The following IDE variants were observed in gnomAD, a reference collection of about 807,000 sequenced individuals.
IDE encodes the protein insulin degrading enzyme, also known as insulin-degrading enzyme.
IDE carries 58 observed loss-of-function variants against 133.2 expected under a neutral mutation model. That is an observed-to-expected ratio of 0.44 (90% CI 0.35 to 0.54). The LOEUF is 0.54. Among genes scored for constraint, IDE ranks in the 20% least tolerant of loss-of-function variants. IDE has a pLI of 0.00. For synonymous variants in IDE, 396 were observed against 421.3 expected (o/e 0.94, Z 0.73); for missense variants, 981 against 1,234.0 (o/e 0.79, Z 3.07).
chr10:92,566,696 A>ACAGGGTGAC (rs1408565872), intron 1 of IDE, among the ~76,000 whole-genome samples: 1 of 152,062 alleles, frequency 6.6e-6, no homozygotes, highest in Non-Finnish European at 1.5e-5. Flanking sequence ...TGATAGCACA[A>ACAGGGTGAC]CAGGGTGACT....
chr10:92,548,423 T>C lies in IDE; in HGVS notation c.99-10873A>G, dbSNP rs151271373. 6.1e-3 allele frequency among the ~76,000 whole-genome samples: 900 copies of C among 148,438 alleles called. 8 individuals are homozygous for C. Among genetic ancestry groups the C allele is most frequent in the African/African-American group, 0.021 (856 of 39,958 alleles). On this transcript the variant is annotated intron_variant, in intron 1 of 24. Coordinates refer to ENST00000265986, the MANE Select transcript of IDE (RefSeq NM_004969.4). ...GAAATGTATACATGGCTCATTAAAT[T>C]GACAGGGGCACCTATAGTTGCATCA...
chr10:92,463,137 C>T (rs1845486675), intron 21 of IDE, among the ~76,000 whole-genome samples: 1 of 152,200 alleles, frequency 6.6e-6, no homozygotes, highest in African/African-American at 2.4e-5. Flanking sequence ...AGATTTTTAG[C>T]TTGTTGGTGT....
At chr10:92,464,580 T>C (rs1453251637) in intron 20 of IDE, among the ~76,000 whole-genome samples, 1 of 152,180 alleles carries the variant, frequency 6.6e-6, no homozygotes, top group Non-Finnish European at 1.5e-5. Flanking sequence ...CTTATCTCCT[T>C]CAGCTGCCCT....
chr10:92,502,289 T>C lies in IDE; in HGVS notation c.1430+2505A>G, dbSNP rs185262022. 9.2e-5 allele frequency among the ~76,000 whole-genome samples: 14 copies of C among 152,366 alleles called. No individual in the cohort carries two copies. The East Asian group carries it at 1.9e-3, about 21-fold the overall frequency. ...TGACTATAGTATGCTTCTCCATTTATTTAGGTCTTCTTTCATTTTTCTCGG... is the reference window on the plus strand; with the variant it reads ...TGACTATAGTATGCTTCTCCATTTACTTAGGTCTTCTTTCATTTTTCTCGG... On this transcript the variant is annotated intron_variant, in intron 11 of 24. Coordinates refer to ENST00000265986, the MANE Select transcript of IDE (RefSeq NM_004969.4).
At chr10:92,523,764 T>C (rs1271619386) in intron 4 of IDE, among the ~76,000 whole-genome samples, 1 of 151,764 alleles carries the variant, frequency 6.6e-6, no homozygotes, top group Non-Finnish European at 1.5e-5. Flanking sequence ...TATATTCTTG[T>C]CTTCAACTGT....
intron 11 of IDE, among the ~76,000 whole-genome samples, chr10:92,497,200 T>C (rs1184489911): frequency 6.6e-6 from 1 of 152,202 alleles, no homozygotes; most frequent in African/African-American, 2.4e-5. Flanking sequence ...GTAGATTTAA[T>C]ATGGTAAAAC....
intron 1 of IDE, among the ~76,000 whole-genome samples, chr10:92,547,357 T>C (rs924555326): frequency 3.3e-5 from 5 of 152,084 alleles, no homozygotes; most frequent in Admixed American, 1.3e-4. Flanking sequence ...ATGCTGGGAT[T>C]ACAGGCATAA....
intron 1 of IDE, among the ~76,000 whole-genome samples, chr10:92,568,764 C>T (rs1589560923): frequency 6.6e-6 from 1 of 151,690 alleles, no homozygotes; most frequent in Admixed American, 6.6e-5. Flanking sequence ...TGCAGTGAGC[C>T]GAGATTGCGC....
chr10:92,495,379 C>A (rs1014393559), intron 11 of IDE, among the ~76,000 whole-genome samples: 5 of 152,102 alleles, frequency 3.3e-5, no homozygotes, highest in Non-Finnish European at 7.4e-5. Context: ...CGCCACCATG[C>A]CTGGCTAATT....
intron 19 of IDE, among the ~76,000 whole-genome samples, chr10:92,466,545 G>A (rs1397731881): frequency 6.6e-6 from 1 of 151,646 alleles, no homozygotes; most frequent in Non-Finnish European, 1.5e-5. Flanking sequence ...TTGAATTCCT[G>A]ACCTCAGGTG....
At chr10:92,534,506 G>A in intron 3 of IDE, 72 bp downstream of exon 3, 1 of 884,562 alleles carries the variant, frequency 1.1e-6, no homozygotes, top group South Asian at 1.7e-5. Context: ...CCATCTCTGT[G>A]GAAATAATAA....
intron 22 of IDE, among the ~76,000 whole-genome samples, chr10:92,456,716 G>A (rs1045740850): frequency 2.6e-5 from 4 of 151,760 alleles, no homozygotes; most frequent in African/African-American, 9.7e-5. Context: ...GCACATGCTT[G>A]TAATCCCAGA....
At chr10:92,510,779 T>C (rs1265643943) in intron 5 of IDE, among the ~76,000 whole-genome samples, 2 of 42,990 alleles carry the variant, frequency 4.7e-5, no homozygotes, top group Admixed American at 3.9e-4. Context: ...ATATAGCACA[T>C]ACATCTCACA....
chr10:92,490,661 C>A, intron 11 of IDE, 66 bp from the exon 12 acceptor site: 1 of 941,568 alleles, frequency 1.1e-6, no homozygotes, highest in Non-Finnish European at 1.7e-6. Context: ...ATTTAAAGAA[C>A]CTGACTCAGG....
Position 92,531,924 on chromosome 10 carries a change from G to A in IDE, c.492-7C>T, listed in dbSNP as rs1849947475. The A allele has an allele frequency of 1.4e-6, 2 of 1,477,910 alleles. No individual in the cohort carries two copies. The highest frequency in any genetic ancestry group is 9.1e-7 in the Non-Finnish European group (1 of 1,103,112). 91.5% of individuals were successfully genotyped at this position (1,477,910 alleles called of 1,614,324 possible). A position where few individuals can be genotyped will look rare whatever the true frequency, so the allele number is the denominator to read the frequency against. ...CAGAAAAAACTGTGCAAACCTAAGG[G>A]TACGAAACATAATTAAAACTTGAAA... On this transcript the variant is annotated splice_region_variant and splice_polypyrimidine_tract_variant and intron_variant, in intron 3 of 24. Transcript: ENST00000265986.
chr10:92,491,066 G>A (rs565817002), intron 11 of IDE, among the ~76,000 whole-genome samples: 25 of 152,046 alleles, frequency 1.6e-4, no homozygotes, highest in Non-Finnish European at 2.9e-4. Context: ...AGTGGGACCC[G>A]TCTCTACAAA....
At chr10:92,559,944 A>G (rs1251758842) in intron 1 of IDE, among the ~76,000 whole-genome samples, 1 of 151,848 alleles carries the variant, frequency 6.6e-6, no homozygotes, top group Non-Finnish European at 1.5e-5. Context: ...ACTATGTTGC[A>G]CAGGCTAGTT....
chr10:92,506,558 C>T (rs755535233), intron 9 of IDE, 36 bp from the exon 10 acceptor site: 1 of 1,016,532 alleles, frequency 9.8e-7, no homozygotes, highest in Non-Finnish European at 1.5e-6. Context: ...GATACGGCCA[C>T]CCTTATTTAG....
At chr10:92,466,050 G>A (rs1042313017) in intron 19 of IDE, among the ~76,000 whole-genome samples, 18 of 151,780 alleles carry the variant, frequency 1.2e-4, no homozygotes, top group Admixed American at 1.3e-4. Context: ...ATTATAAATT[G>A]GCAGCACTAA....
Sources: allele counts gnomAD v4.1 joint callset (sites outside exome capture counted in the v4.1 genomes callset), GRCh38; gene constraint gnomAD v4.1.1; transcripts MANE v1.5; gene names NCBI Gene and HGNC (gene_info 2026-07-23, HGNC 2026-07-21).